The following EPM2A variants were observed in gnomAD, a reference collection of about 807,000 sequenced individuals.
EPM2A encodes the protein laforin.
Under a neutral mutation model 26.5 loss-of-function variants are expected in EPM2A, and 21 were observed. The observed-to-expected ratio is 0.79, with a 90% CI of 0.56 to 1.14. The LOEUF (loss-of-function observed/expected upper bound fraction) is 1.14. EPM2A is among the 50% of genes most tolerant of loss of function. The pLI is 0.00. For missense variants in EPM2A, 458 were observed against 440.8 expected (o/e 1.04, Z -0.35); for synonymous variants, 217 against 177.6 (o/e 1.22, Z -1.76).
chr6:145,517,042 A>T (rs936559075), intron 2 of EPM2A, among the ~76,000 whole-genome samples: 9 of 152,202 alleles, frequency 5.9e-5, no homozygotes, highest in African/African-American at 2.2e-4. Flanking sequence ...AAATCCTGCC[A>T]TATGTGACAT....
chr6:145,453,663 C>T (rs371197809), intron 4 of EPM2A, among the ~76,000 whole-genome samples: 1 of 152,162 alleles, frequency 6.6e-6, no homozygotes, highest in East Asian at 1.9e-4. Context: ...CTCCTCATTT[C>T]AGAGTCTGGC....
chr6:145,610,928 A>C (rs532019523), intron 2 of EPM2A, among the ~76,000 whole-genome samples: 1 of 152,288 alleles, frequency 6.6e-6, no homozygotes, highest in South Asian at 2.1e-4. Context: ...AGCTCATTTA[A>C]ATGCCCTAAA....
intron 1 of EPM2A, among the ~76,000 whole-genome samples, chr6:145,703,237 G>A (rs900488663): frequency 4.6e-5 from 7 of 151,870 alleles, no homozygotes; most frequent in East Asian, 1.9e-4. Flanking sequence ...AACTACAGGC[G>A]TCCGCCACCA....
intron 2 of EPM2A, among the ~76,000 whole-genome samples, chr6:145,573,735 C>A (rs1422552579): frequency 6.6e-6 from 1 of 152,202 alleles, no homozygotes; most frequent in Non-Finnish European, 1.5e-5. Context: ...GGGGTTCTGC[C>A]AGCTGCTAAG....
At position 145,625,841 on chromosome 6, in the gene EPM2A, G is replaced by A. The variant is rs1775773822; in HGVS notation, c.*1575C>T. The A allele has an allele frequency of 6.5e-7, 1 of 1,546,248 alleles. No individual in the cohort carries two copies. The highest frequency in any genetic ancestry group is 2.4e-5 in the East Asian group (1 of 41,100). ...TGTCCCCCACGCCTTCTAAATAAGA[G>A]TCTCTTGCATCTATCAATATGTGTT... is the stretch of plus-strand genomic sequence containing the variant. On this transcript the variant is annotated 3_prime_UTR_variant, in exon 4 of 4. Coordinates refer to ENST00000367519, the MANE Select transcript of EPM2A (RefSeq NM_005670.4).
intron 2 of EPM2A, among the ~76,000 whole-genome samples, chr6:145,607,038 A>G (rs1340625977): frequency 2.0e-5 from 3 of 152,178 alleles, no homozygotes; most frequent in East Asian, 1.9e-4. Flanking sequence ...GTATAACTAT[A>G]ACCAATCAAG....
intron 4 of EPM2A, among the ~76,000 whole-genome samples, chr6:145,428,075 GT>G (rs11343322): frequency 0.12 from 11,996 of 97,478 alleles, 723 homozygotes; most frequent in African/African-American, 0.26. Flanking sequence ...TGTGTTGATA[GT>G]TTTTTTTTTT....
chr6:145,389,340 C>T (rs753878823), intron 4 of EPM2A, among the ~76,000 whole-genome samples: 2 of 152,090 alleles, frequency 1.3e-5, no homozygotes, highest in Non-Finnish European at 2.9e-5. Context: ...CAGGCACCCA[C>T]CACCATGCTT....
chr6:145,701,788 T>C (rs958506924), intron 1 of EPM2A, among the ~76,000 whole-genome samples: 1 of 152,212 alleles, frequency 6.6e-6, no homozygotes, highest in Non-Finnish European at 1.5e-5. Flanking sequence ...CTCCACCTGA[T>C]TTAATTCAAA....
At chr6:145,482,865 C>CTT (rs10668205) in intron 4 of EPM2A, among the ~76,000 whole-genome samples, 23,924 of 147,388 alleles carry the variant, frequency 0.16, 3,435 homozygotes, top group East Asian at 0.37. Flanking sequence ...TATAGCTATT[C>CTT]TTTTTTTTTT....
chr6:145,589,457 G>A (rs1781240633), intron 2 of EPM2A, among the ~76,000 whole-genome samples: 1 of 152,154 alleles, frequency 6.6e-6, no homozygotes, highest in Admixed American at 6.5e-5. Flanking sequence ...TGAAAGACGT[G>A]TTTAATGAGA....
chr6:145,622,249 C>T (rs1287732202), downstream of EPM2A, among the ~76,000 whole-genome samples: 3 of 152,194 alleles, frequency 2.0e-5, no homozygotes, highest in Non-Finnish European at 2.9e-5. Flanking sequence ...CTGTCTGTCT[C>T]TGACTACTCT....
intron 4 of EPM2A, among the ~76,000 whole-genome samples, chr6:145,492,751 C>T (rs947560648): frequency 6.6e-6 from 1 of 152,116 alleles, no homozygotes; most frequent in South Asian, 2.1e-4. Flanking sequence ...GAAGTCAAGC[C>T]GCTTCTCTCT....
At chr6:145,529,369 G>A (rs779687430) in intron 2 of EPM2A, among the ~76,000 whole-genome samples, 75 of 152,140 alleles carry the variant, frequency 4.9e-4, no homozygotes, top group Non-Finnish European at 7.1e-4. Flanking sequence ...CTTCACTATT[G>A]TCTTATTTTA....
At chr6:145,602,394 T>A (rs1195112381) in intron 2 of EPM2A, among the ~76,000 whole-genome samples, 1 of 152,244 alleles carries the variant, frequency 6.6e-6, no homozygotes, top group Non-Finnish European at 1.5e-5. Flanking sequence ...AACCAGATCA[T>A]CTGCTTACAA....
intron 4 of EPM2A, among the ~76,000 whole-genome samples, chr6:145,423,952 C>T (rs1311468078): frequency 6.6e-6 from 1 of 152,152 alleles, no homozygotes; most frequent in African/African-American, 2.4e-5. Flanking sequence ...GGAATCTCTG[C>T]CAGAAACCAG....
chr6:145,722,893 T>C (rs1170097967), intron 1 of EPM2A: 1 of 298,846 alleles, frequency 3.3e-6, no homozygotes, highest in African/African-American at 2.3e-5. Context: ...GAACAGATAA[T>C]TACCTCACAG....
At chr6:145,441,059 G>A (rs1014969505) in intron 4 of EPM2A, among the ~76,000 whole-genome samples, 10 of 152,180 alleles carry the variant, frequency 6.6e-5, no homozygotes, top group African/African-American at 2.4e-4. Flanking sequence ...TCTCCATGAG[G>A]GCCCAGCCCC....
chr6:145,396,731 A>C (rs979545431), intron 4 of EPM2A, among the ~76,000 whole-genome samples: 2 of 152,164 alleles, frequency 1.3e-5, no homozygotes, highest in African/African-American at 4.8e-5. Context: ...AGTTGATTTC[A>C]TTCTGTTATT....
Sources: gnomAD v4.1 joint callset for allele counts (sites outside exome capture counted in the v4.1 genomes callset) on GRCh38, gnomAD v4.1.1 for gene constraint, MANE v1.5 for transcripts, NCBI Gene and HGNC (gene_info 2026-07-23, HGNC 2026-07-21) for gene names.